MEI1: variants seen among roughly 807,000 people sequenced by gnomAD.
MEI1 encodes the protein meiotic double-stranded break formation protein 1.
A neutral mutation model predicts 146.2 loss-of-function variants in MEI1; 103 were observed. The ratio of observed to expected loss-of-function variants is 0.70; its 90% CI spans 0.60 to 0.83. The LOEUF (loss-of-function observed/expected upper bound fraction) is 0.83. Ranked by LOEUF, MEI1 falls within the 40% of genes least tolerant of loss-of-function variation. The pLI is 0.00. For synonymous variants in MEI1, 652 were observed against 628.2 expected, an observed-to-expected ratio of 1.04 and a Z score of -0.57; for missense variants, 1,529 against 1,533.0, an observed-to-expected ratio of 1.00 and a Z score of 0.04.
rs1410642474 is a variant in MEI1, at chr22:41,732,336, C to G, written c.1188C>G (p.Ile396Met). Residue 396 changes from isoleucine (I) to methionine (M), a missense_variant, in exon 10 of 31, where the codon ATC (isoleucine) becomes ATG (methionine). By Grantham distance (10) the Ile-to-Met change is conservative. Coordinates refer to ENST00000401548, the MANE Select transcript of MEI1 (RefSeq NM_152513.4). ...HKQGLLLFAEILTRQPEEIKL... is the reference protein window; with the variant it reads ...HKQGLLLFAEMLTRQPEEIKL... ...AGGGCCTGCTGCTTTTCGCTGAAAT[C>G]CTGACCCGGTGAGCAAAGTGGTGGA... The G allele has an allele frequency of 1.9e-6, 3 of 1,613,080 alleles. No homozygotes were observed. The highest frequency in any genetic ancestry group is 2.2e-5 in the South Asian group (2 of 90,892).
Position 41,734,632 on chromosome 22 carries a change from C to T in MEI1, c.1331+2029C>T, listed in dbSNP as rs547219690. Among the ~76,000 whole-genome samples, 13 of 152,262 alleles carry T rather than the reference C, an allele frequency of 8.5e-5. No individual in the cohort carries two copies. In the South Asian group the frequency reaches 2.5e-3, roughly 29 times the overall value. On this transcript the variant is annotated intron_variant, in intron 11 of 30. Transcript: ENST00000401548. ...CAAACAATGGAATGTAAATAGTTGT[C>T]ATGCTGTATTTAAAATTTTTTTTGA...
At chr22:41,794,555 C>A in intron 28 of MEI1, 78 bp downstream of exon 28, 1 of 1,160,468 alleles carries the variant, frequency 8.6e-7, no homozygotes, top group Non-Finnish European at 1.3e-6. Flanking sequence ...GGTCTCCTTA[C>A]TTTAGGTAAC....
At chr22:41,757,776 C>T (rs2074194014) in intron 17 of MEI1, among the ~76,000 whole-genome samples, 1 of 152,174 alleles carries the variant, frequency 6.6e-6, no homozygotes, top group Non-Finnish European at 1.5e-5. Flanking sequence ...CTGCCAGTTC[C>T]TGGAGGTAGG....
intron 1 of MEI1, among the ~76,000 whole-genome samples, chr22:41,702,089 C>A (rs1302639483): frequency 6.6e-6 from 1 of 152,148 alleles, no homozygotes; most frequent in African/African-American, 2.4e-5. Flanking sequence ...AAAACAGGAG[C>A]CTTACAGTAG....
At chr22:41,701,763 A>C (rs1266040634) in intron 1 of MEI1, among the ~76,000 whole-genome samples, 1 of 152,212 alleles carries the variant, frequency 6.6e-6, no homozygotes, top group Non-Finnish European at 1.5e-5. Flanking sequence ...GGAATTAGGA[A>C]AGGTTTCTTA....
intron 30 of MEI1, among the ~76,000 whole-genome samples, chr22:41,796,166 C>CAT (rs1463101084): frequency 2.0e-5 from 3 of 152,046 alleles, no homozygotes; most frequent in Non-Finnish European, 4.4e-5. Flanking sequence ...AGGCACATTA[C>CAT]ATGCATTTTA....
At chr22:41,745,188 C>G in intron 13 of MEI1, 124 bp downstream of exon 13, 1 of 680,516 alleles carries the variant, frequency 1.5e-6, no homozygotes, top group Non-Finnish European at 2.3e-6. Context: ...GCAAAGAGGA[C>G]TTTGGCTGGG....
chr22:41,710,031 G>A (rs2069412312), intron 3 of MEI1, among the ~76,000 whole-genome samples: 1 of 152,004 alleles, frequency 6.6e-6, no homozygotes, highest in Non-Finnish European at 1.5e-5. Flanking sequence ...CTGAATGTGA[G>A]TGTCTTTGGG....
chr22:41,714,311 A>G (rs2147322619), intron 4 of MEI1, among the ~76,000 whole-genome samples: 1 of 152,290 alleles, frequency 6.6e-6, no homozygotes, highest in South Asian at 2.1e-4. Context: ...CATGCAATGA[A>G]GTGCCATCTT....
intron 3 of MEI1, among the ~76,000 whole-genome samples, chr22:41,705,772 A>G (rs181897472): frequency 6.7e-6 from 1 of 150,036 alleles, no homozygotes; most frequent in Non-Finnish European, 1.5e-5. Flanking sequence ...CGGTGGTGCA[A>G]TCTCAGCTCA....
chr22:41,737,303 C>G (rs560107568), intron 11 of MEI1, among the ~76,000 whole-genome samples: 157 of 151,752 alleles, frequency 1.0e-3, no homozygotes, highest in African/African-American at 3.5e-3. Context: ...GTGGCGCGAT[C>G]TCGGCTCACT....
rs913094803 is a variant in MEI1, at chr22:41,791,121, C to T, written c.3346-2708C>T. 4.6e-5 allele frequency among the ~76,000 whole-genome samples: 7 copies of T among 152,286 alleles called. No homozygotes were observed. The East Asian group carries it at 1.4e-3, about 29-fold the overall frequency. The stretch of plus-strand genomic sequence containing the variant: ...AAAGCTGGGCAGAGCCAAACTGAGC[C>T]ATGCCTCATACATTAGGCTAAGAAT... On this transcript the variant is annotated intron_variant, in intron 26 of 30. Coordinates refer to ENST00000401548, the MANE Select transcript of MEI1 (RefSeq NM_152513.4).
At chr22:41,791,404 C>T (rs928590214) in intron 26 of MEI1, among the ~76,000 whole-genome samples, 1 of 152,182 alleles carries the variant, frequency 6.6e-6, no homozygotes, top group Non-Finnish European at 1.5e-5. Flanking sequence ...GGGAGGATCA[C>T]CTAAGCCCAG....
At chr22:41,782,385 A>G (rs527945537) in intron 24 of MEI1, among the ~76,000 whole-genome samples, 32 of 152,330 alleles carry the variant, frequency 2.1e-4, no homozygotes, top group African/African-American at 3.1e-4. Context: ...GTGGAATGCC[A>G]CACATGGTTA....
chr22:41,784,478 G>C, intron 25 of MEI1, 58 bp downstream of exon 25: 2 of 1,603,224 alleles, frequency 1.2e-6, no homozygotes, highest in Non-Finnish European at 1.7e-6. Context: ...TTTCAGATAA[G>C]ACCAGCACCC....
Position 41,770,768 on chromosome 22 carries a change from G to A in MEI1, c.2351G>A (p.Arg784Lys), listed in dbSNP as rs1356163332. The part of the protein sequence containing the change: ...LVYTHHPLLL[R>K]FFLLYPELMS... ...TATACTCACCATCCGCTCCTGCTCAGGTTCTTTCTGTTGTATCCAGAGCTC... is the reference window on the plus strand; with the variant it reads ...TATACTCACCATCCGCTCCTGCTCAAGTTCTTTCTGTTGTATCCAGAGCTC... The change falls in exon 20 of 31, where the codon AGG becomes AAG. Residue 784 changes from arginine to lysine, a missense_variant. Physicochemically the swap from Arg to Lys is conservative, Grantham distance 26. Around this residue, in one of 3 missense-constraint regions of MEI1, gnomAD observed 1,212 missense variants for 1,178.9 expected, o/e 1.03. Coordinates refer to ENST00000401548, the MANE Select transcript of MEI1 (RefSeq NM_152513.4). The A allele has an allele frequency of 1.2e-6, 2 of 1,613,816 alleles. No individual in the cohort carries two copies. Among genetic ancestry groups the A allele is most frequent in the Non-Finnish European group, 1.7e-6 (2 of 1,179,868 alleles).
chr22:41,778,109 C>A (rs2075563388), intron 21 of MEI1, among the ~76,000 whole-genome samples: 1 of 152,092 alleles, frequency 6.6e-6, no homozygotes, highest in South Asian at 2.1e-4. Flanking sequence ...CAACCTCAGA[C>A]TCCTGAGTAG....
rs746908327 is a variant in MEI1, at chr22:41,699,678, G to A, written c.140G>A (p.Cys47Tyr). Residue 47 changes from cysteine (C) to tyrosine (Y), a missense_variant, in exon 1 of 31, where the codon TGC becomes TAC. Transcript: ENST00000401548. ...LPVTPRLCLA[C>Y]ALELLPDPGV... ...GTGACCCCCCGCCTGTGCCTGGCCTGCGCGCTGGAGCTGCTGCCGGACCCC... is the reference window on the plus strand; with the variant it reads ...GTGACCCCCCGCCTGTGCCTGGCCTACGCGCTGGAGCTGCTGCCGGACCCC... 18 of 1,589,918 alleles carry A rather than the reference G, an allele frequency of 1.1e-5. No homozygotes were observed. The highest frequency in any genetic ancestry group is 1.4e-5 in the Non-Finnish European group (16 of 1,168,846).
At chr22:41,785,724 C>T (rs1337061998) in intron 26 of MEI1, among the ~76,000 whole-genome samples, 4 of 151,090 alleles carry the variant, frequency 2.6e-5, no homozygotes, top group South Asian at 2.1e-4. Context: ...CCACCATGCC[C>T]GGCTAATTTT....
Sources: gnomAD v4.1 joint callset for allele counts (sites outside exome capture counted in the v4.1 genomes callset) on GRCh38, gnomAD v4.1.1 for gene constraint, gnomAD v4.1.1 regional missense constraint, MANE v1.5 for transcripts, NCBI Gene and HGNC (gene_info 2026-07-23, HGNC 2026-07-21) for gene names.